The following RCAN1 variants were observed in gnomAD, a reference collection of about 807,000 sequenced individuals.
RCAN1 encodes calcipressin-1.
In RCAN1, 11 loss-of-function variants were observed where a neutral mutation model predicts 22.9. The observed-to-expected ratio is 0.48, with a 90% CI of 0.30 to 0.79. The LOEUF (loss-of-function observed/expected upper bound fraction) is 0.79. Among genes scored for constraint, RCAN1 ranks in the 30% least tolerant of loss-of-function variants. RCAN1 has a pLI of 0.06. For synonymous variants in RCAN1, 136 were observed against 142.3 expected, an observed-to-expected ratio of 0.96 and a Z score of 0.32; for missense variants, 291 against 337.8, an observed-to-expected ratio of 0.86 and a Z score of 1.09.
chr21:34,562,194 T>C (rs961508798), intron 1 of RCAN1, among the ~76,000 whole-genome samples: 5 of 152,218 alleles, frequency 3.3e-5, no homozygotes, highest in Non-Finnish European at 4.4e-5. Flanking sequence ...GGCAATTTCT[T>C]AAGGCTACGT....
At chr21:34,585,532 A>T (rs756413441) in intron 1 of RCAN1, among the ~76,000 whole-genome samples, 3 of 152,150 alleles carry the variant, frequency 2.0e-5, no homozygotes, top group Non-Finnish European at 4.4e-5. Flanking sequence ...TCACAAGGTC[A>T]GGAGATCAAG....
intron 1 of RCAN1, among the ~76,000 whole-genome samples, chr21:34,609,303 T>C (rs1202953235): frequency 6.6e-6 from 1 of 152,114 alleles, no homozygotes; most frequent in African/African-American, 2.4e-5. Flanking sequence ...AAGGAAAAAA[T>C]TGTCTCTCAC....
chr21:34,529,415 G>T (rs1370601475), intron 1 of RCAN1, among the ~76,000 whole-genome samples: 1 of 152,206 alleles, frequency 6.6e-6, no homozygotes, highest in Non-Finnish European at 1.5e-5. Context: ...TGGGACACCT[G>T]TCCCTGTACC....
chr21:34,562,054 AC>A (rs1986811422), intron 1 of RCAN1, among the ~76,000 whole-genome samples: 1 of 152,214 alleles, frequency 6.6e-6, no homozygotes, highest in African/African-American at 2.4e-5. Context: ...AGAGTGGGGC[AC>A]TCCCAGATCT....
At chr21:34,601,893 G>A (rs750355471) in intron 1 of RCAN1, among the ~76,000 whole-genome samples, 2 of 151,456 alleles carry the variant, frequency 1.3e-5, no homozygotes, top group Non-Finnish European at 2.9e-5. Context: ...CACATGTGTA[G>A]GTATAGACAC....
intron 1 of RCAN1, among the ~76,000 whole-genome samples, chr21:34,608,477 G>C (rs1448815401): frequency 6.6e-6 from 1 of 152,182 alleles, no homozygotes; most frequent in African/African-American, 2.4e-5. Context: ...AGGGAAGCCT[G>C]CTGCCATGCT....
At chr21:34,524,933 C>T (rs1984908322) in intron 1 of RCAN1, among the ~76,000 whole-genome samples, 1 of 152,148 alleles carries the variant, frequency 6.6e-6, no homozygotes, top group Non-Finnish European at 1.5e-5. Flanking sequence ...ACTGCATGGG[C>T]TTCTAGTCGC....
intron 1 of RCAN1, among the ~76,000 whole-genome samples, chr21:34,536,529 C>T (rs939903710): frequency 6.6e-6 from 1 of 152,156 alleles, no homozygotes; most frequent in Non-Finnish European, 1.5e-5. Flanking sequence ...GTCCTTCACA[C>T]GCAAAGTAGG....
At chr21:34,547,398 A>G (rs979388702) in intron 1 of RCAN1, among the ~76,000 whole-genome samples, 4 of 152,162 alleles carry the variant, frequency 2.6e-5, no homozygotes, top group Admixed American at 2.0e-4. Context: ...TTTGAAAAAC[A>G]TCGTCCCAAG....
At position 34,521,389 on chromosome 21, in the gene RCAN1, T is replaced by C. The variant is rs752715058; in HGVS notation, c.586+110A>G. On this transcript the variant is annotated intron_variant, in intron 3 of 3. Transcript: ENST00000313806. Reference sequence around the variant, plus strand: ...AGAATACAGAGAAGCTCACAAAACATGCCGGCATGGGCTCAGGAGAGCTAC... The same window carrying C: ...AGAATACAGAGAAGCTCACAAAACACGCCGGCATGGGCTCAGGAGAGCTAC... 2.5e-6 allele frequency: 4 copies of C among 1,577,072 alleles called. No homozygotes were observed. The African/African-American group carries it at 5.4e-5, about 21-fold the overall frequency.
At chr21:34,543,705 T>TTTA (rs1734540816) in intron 1 of RCAN1, among the ~76,000 whole-genome samples, 1 of 152,266 alleles carries the variant, frequency 6.6e-6, no homozygotes, top group Non-Finnish European at 1.5e-5. Context: ...TGTCCTTTTA[T>TTTA]TTCTTCTTCT....
chr21:34,602,784 T>C (rs994002508), intron 1 of RCAN1, among the ~76,000 whole-genome samples: 8 of 152,354 alleles, frequency 5.3e-5, no homozygotes, highest in African/African-American at 1.4e-4. Flanking sequence ...ATTCCCATTA[T>C]CTCTGAAATA....
chr21:34,601,885 C>T (rs1387844768), intron 1 of RCAN1, among the ~76,000 whole-genome samples: 1 of 151,010 alleles, frequency 6.6e-6, no homozygotes, highest in African/African-American at 2.4e-5. Context: ...ACAGTGATCA[C>T]ATGTGTAGGT....
intron 1 of RCAN1, among the ~76,000 whole-genome samples, chr21:34,545,136 C>T (rs140459139): frequency 2.0e-5 from 3 of 152,298 alleles, no homozygotes; most frequent in African/African-American, 7.2e-5. Context: ...AGAAAGTAAA[C>T]CAAGAGGCAA....
At chr21:34,523,513 T>C (rs760367464) in intron 2 of RCAN1, 24 bp downstream of exon 2, 4 of 1,611,148 alleles carry the variant, frequency 2.5e-6, no homozygotes, top group African/African-American at 2.7e-5. Flanking sequence ...GGGAGAAGCA[T>C]GCATAGCAAT....
At chr21:34,613,807 G>A in intron 1 of RCAN1, 2 of 1,495,562 alleles carry the variant, frequency 1.3e-6, no homozygotes. Context: ...CTGTTTCACA[G>A]TGGTGTTGTA....
At chr21:34,611,002 A>G (rs1988673219) in intron 1 of RCAN1, among the ~76,000 whole-genome samples, 1 of 152,196 alleles carries the variant, frequency 6.6e-6, no homozygotes, top group South Asian at 2.1e-4. Context: ...TCAAATATAC[A>G]TTCATATTTC....
At chr21:34,588,574 C>T (rs1987873545) in intron 1 of RCAN1, among the ~76,000 whole-genome samples, 1 of 152,180 alleles carries the variant, frequency 6.6e-6, no homozygotes, top group African/African-American at 2.4e-5. Flanking sequence ...CTGTTGTGCA[C>T]TATTGATGAA....
intron 1 of RCAN1, chr21:34,525,475 G>C (rs1984982714): frequency 3.3e-6 from 4 of 1,206,770 alleles, no homozygotes; most frequent in Non-Finnish European, 4.4e-6. Flanking sequence ...TCTGGCAAAA[G>C]TGTGTCTTCG....
Sources: gnomAD v4.1 joint callset for allele counts (sites outside exome capture counted in the v4.1 genomes callset) on GRCh38, gnomAD v4.1.1 for gene constraint, MANE v1.5 for transcripts, NCBI Gene and HGNC (gene_info 2026-07-23, HGNC 2026-07-21) for gene names.